CSMD1: variants seen among roughly 807,000 people sequenced by gnomAD.
CSMD1 encodes the protein CUB and sushi domain-containing protein 1.
In CSMD1, 213 loss-of-function variants were observed where a neutral mutation model predicts 417.5. That is an observed-to-expected ratio of 0.51 (90% CI 0.46 to 0.57). The LOEUF (loss-of-function observed/expected upper bound fraction) is 0.57. Among genes scored for constraint, CSMD1 ranks in the 20% least tolerant of loss-of-function variants. The probability of loss-of-function intolerance (pLI) is 0.00; values close to 1 mark genes in which losing one functional copy is unlikely to be tolerated. For synonymous variants in CSMD1, 2,862 were observed against 1,736.8 expected (o/e 1.65, Z -16.11); for missense variants, 6,923 against 4,529.7 (o/e 1.53, Z -15.17).
chr8:4,572,231 G>C (rs1798926481), intron 2 of CSMD1, among the ~76,000 whole-genome samples: 1 of 152,128 alleles, frequency 6.6e-6, no homozygotes, highest in Non-Finnish European at 1.5e-5. Flanking sequence ...TTACATTTTG[G>C]TATGTTTGAG....
At chr8:4,876,412 T>G (rs1269833735) in intron 1 of CSMD1, among the ~76,000 whole-genome samples, 3 of 152,110 alleles carry the variant, frequency 2.0e-5, no homozygotes, top group Admixed American at 2.0e-4. Context: ...GGAGTACAAG[T>G]GGCCTGTTTT....
At chr8:3,567,645 G>A (rs73179140) in intron 10 of CSMD1, among the ~76,000 whole-genome samples, 2 of 151,810 alleles carry the variant, frequency 1.3e-5, no homozygotes, top group African/African-American at 4.8e-5. Context: ...CAAATTCCCA[G>A]CCTTGTTTAC....
rs1166821267 is a variant in CSMD1, at chr8:3,720,654, C to CACACACA, written c.932-12164_932-12163insTGTGTGT. ...ACACACACACACACACACACACACA[C>CACACACA]ACCAGCACATTTCTCCTTCATGACC... On this transcript the variant is annotated intron_variant, in intron 6 of 69. Coordinates refer to ENST00000635120, the MANE Select transcript of CSMD1 (RefSeq NM_033225.6). Among the ~76,000 whole-genome samples the CACACACA allele has an allele frequency of 5.6e-3, 852 of 152,062 alleles. 5 individuals are homozygous for CACACACA. Among genetic ancestry groups the CACACACA allele is most frequent in the Middle Eastern group, 0.01 (3 of 294 alleles).
intron 3 of CSMD1, among the ~76,000 whole-genome samples, chr8:4,416,433 A>T (rs1167286349): frequency 1.3e-5 from 2 of 152,150 alleles, no homozygotes; most frequent in Non-Finnish European, 2.9e-5. Flanking sequence ...CAAATATTTT[A>T]GAAAACATTT....
chr8:3,574,504 C>A (rs545009348), intron 10 of CSMD1, among the ~76,000 whole-genome samples: 1 of 152,152 alleles, frequency 6.6e-6, no homozygotes, highest in Non-Finnish European at 1.5e-5. Context: ...ACTTTGGCCT[C>A]CCAAAGTGCT....
chr8:4,991,608 C>T (rs1224370878), intron 1 of CSMD1, among the ~76,000 whole-genome samples: 2 of 152,130 alleles, frequency 1.3e-5, no homozygotes, highest in Non-Finnish European at 2.9e-5. Context: ...GAGCGCTCCT[C>T]CCCGGGAAAG....
intron 5 of CSMD1, among the ~76,000 whole-genome samples, chr8:3,965,731 C>G (rs938372153): frequency 1.3e-5 from 2 of 152,134 alleles, no homozygotes; most frequent in Non-Finnish European, 2.9e-5. Context: ...GATTCTCCTG[C>G]CTCAGCCTCC....
At chr8:4,188,758 C>T (rs1417502204) in intron 3 of CSMD1, among the ~76,000 whole-genome samples, 7 of 150,898 alleles carry the variant, frequency 4.6e-5, no homozygotes, top group Non-Finnish European at 8.8e-5. Flanking sequence ...GAAAGATACA[C>T]AGATTTTTAG....
At chr8:4,976,323 G>A (rs1026692923) in intron 1 of CSMD1, among the ~76,000 whole-genome samples, 23 of 152,216 alleles carry the variant, frequency 1.5e-4, no homozygotes, top group African/African-American at 5.3e-4. Context: ...AGTTGCAGCT[G>A]TTCCTTCTCT....
chr8:4,615,317 C>G (rs150629915), intron 2 of CSMD1, among the ~76,000 whole-genome samples: 2 of 152,120 alleles, frequency 1.3e-5, no homozygotes, highest in African/African-American at 4.8e-5. Context: ...GTATCTTCCC[C>G]CAAACCCAGA....
intron 7 of CSMD1, among the ~76,000 whole-genome samples, chr8:3,687,780 A>C (rs1281770599): frequency 6.6e-6 from 1 of 152,126 alleles, no homozygotes; most frequent in Non-Finnish European, 1.5e-5. Flanking sequence ...GGCCTGTAAA[A>C]ACACTTGATC....
intron 18 of CSMD1, among the ~76,000 whole-genome samples, chr8:3,385,955 G>A (rs781443858): frequency 3.9e-5 from 6 of 152,026 alleles, no homozygotes; most frequent in Admixed American, 1.3e-4. Context: ...TGTGATTGTC[G>A]TGAAATAGAA....
At chr8:4,032,456 C>A (rs1326475987) in intron 3 of CSMD1, among the ~76,000 whole-genome samples, 1 of 152,168 alleles carries the variant, frequency 6.6e-6, no homozygotes, top group Non-Finnish European at 1.5e-5. Flanking sequence ...AGCAACCAGA[C>A]ACAGTAGACT....
At chr8:3,110,717 C>G (rs1335161782) in intron 42 of CSMD1, among the ~76,000 whole-genome samples, 2 of 152,188 alleles carry the variant, frequency 1.3e-5, no homozygotes, top group South Asian at 2.1e-4. Flanking sequence ...TTTTCTAACT[C>G]ACACTGCTAG....
intron 41 of CSMD1, among the ~76,000 whole-genome samples, chr8:3,139,604 A>G (rs1466154568): frequency 1.3e-5 from 2 of 152,162 alleles, no homozygotes; most frequent in African/African-American, 4.8e-5. Flanking sequence ...GAAATTGAGA[A>G]TGTTTACATA....
intron 2 of CSMD1, among the ~76,000 whole-genome samples, chr8:4,484,887 G>C (rs758767920): frequency 1.2e-3 from 173 of 149,920 alleles, no homozygotes; most frequent in East Asian, 1.8e-3. Context: ...GCGGGAGAAT[G>C]GCGTGAACCC....
At chr8:3,027,946 C>T (rs667654) in intron 51 of CSMD1, among the ~76,000 whole-genome samples, 1,678 of 152,268 alleles carry the variant, frequency 0.011, 23 homozygotes, top group African/African-American at 0.039. Context: ...CTCCACTGTA[C>T]GTGAAAATTC....
In CSMD1 at chr8:3,359,355, G is replaced by A. The variant is rs753699147; in HGVS notation, c.3116-15C>T. On this transcript the variant is annotated splice_polypyrimidine_tract_variant and intron_variant, in intron 20 of 69. Coordinates refer to ENST00000635120, the MANE Select transcript of CSMD1 (RefSeq NM_033225.6). ...CAGGTCATATTCTGAGGCATGCAGA[G>A]ACAGAGTAAATGCATGAGGATTTGG... The A allele has an allele frequency of 4.7e-5, 75 of 1,601,440 alleles. 2 individuals carry two copies. In the South Asian group the frequency reaches 8.0e-4, roughly 17 times the overall value.
In CSMD1 at chr8:4,104,493, T is replaced by C. The variant is rs543298245; in HGVS notation, c.416-72394A>G. On this transcript the variant is annotated intron_variant, in intron 3 of 69. Transcript: ENST00000635120. ...ATGTATTTGACTCTATTGAATTTTC[T>C]TGCTTTCACGGATTGAGGCCCCACC... is the stretch of plus-strand genomic sequence containing the variant. 2.0e-5 allele frequency among the ~76,000 whole-genome samples: 3 copies of C among 152,332 alleles called. No individual in the cohort carries two copies. The East Asian group carries it at 5.8e-4, about 29-fold the overall frequency.
Sources: allele counts gnomAD v4.1 joint callset (sites outside exome capture counted in the v4.1 genomes callset), GRCh38; gene constraint gnomAD v4.1.1; transcripts MANE v1.5; gene names NCBI Gene and HGNC (gene_info 2026-07-23, HGNC 2026-07-21).